Variants in RNASE9 observed in about 807,000 individuals in gnomAD.
The protein encoded by RNASE9 is inactive ribonuclease-like protein 9.
For synonymous variants in RNASE9, 95 were observed against 87.6 expected (o/e 1.08, Z -0.47); for missense variants, 263 against 247.1 (o/e 1.06, Z -0.43).
chr14:20,557,341 T>G, exon 3 of RNASE9: 1 of 392,134 alleles, frequency 2.6e-6, no homozygotes, highest in South Asian at 7.4e-5. Flanking sequence ...GAAATAAAGG[T>G]AAGGAGGAAG....
At chr14:20,558,819 TTCTTCTCAAAATCCTTTC>T in intron 2 of RNASE9, among the ~76,000 whole-genome samples, 1 of 152,232 alleles carries the variant, frequency 6.6e-6, no homozygotes, top group Non-Finnish European at 1.5e-5. Flanking sequence ...TTTGGTTTCA[TTCTTCTCAAAATCCTTTC>T]TCATCTCAAA....
chr14:20,557,529 G>A (rs1281938354), exon 3 of RNASE9: 1 of 155,830 alleles, frequency 6.4e-6, no homozygotes, highest in East Asian at 1.9e-4. Context: ...GCTCTGAAAA[G>A]AGCCACCCTC....
At chr14:20,558,203 G>A in exon 3 of RNASE9, 1 of 408,434 alleles carries the variant, frequency 2.4e-6, no homozygotes, top group Non-Finnish European at 4.5e-6. Flanking sequence ...TGTAAAAGAA[G>A]TCCTACTTGG....
Position 20,556,445 on chromosome 14 carries a change from C to T in RNASE9, c.*7G>A, listed in dbSNP as rs77338547. 99 of 1,581,160 alleles carry T rather than the reference C, an allele frequency of 6.3e-5. 1 individual carries two copies. The African/African-American group carries it at 1.2e-3, about 19-fold the overall frequency. ...CCTCCCACCCTAAGCTCTCAGAGAACGCTCTGCTAGGGCGATATGACAAAG... is the reference window on the plus strand; with the variant it reads ...CCTCCCACCCTAAGCTCTCAGAGAATGCTCTGCTAGGGCGATATGACAAAG... On this transcript the variant is annotated 3_prime_UTR_variant, in exon 3 of 3. Coordinates refer to ENST00000555230, the Ensembl canonical transcript of RNASE9.
In RNASE9 at chr14:20,560,870, T is replaced by C. The variant is rs1251937998; in HGVS notation, c.-1634+4A>G. 6.6e-6 allele frequency: 1 copy of C among 152,120 alleles called. No homozygotes were observed. Among genetic ancestry groups the C allele is most frequent in the Non-Finnish European group, 1.5e-5 (1 of 68,002 alleles). 9.4% of individuals were successfully genotyped at this position (152,120 alleles called of 1,614,324 possible). A position where few individuals can be genotyped will look rare whatever the true frequency, so the allele number is the denominator to read the frequency against. On this transcript the variant is annotated splice_donor_region_variant and intron_variant, in intron 1 of 2. Coordinates refer to ENST00000555230, the Ensembl canonical transcript of RNASE9. ...GACAGTGAGAAAAATTCCAAACAAA[T>C]TACCTTAAATGCAAGAGGCACTATG...
exon 1 of RNASE9, chr14:20,560,913 G>A (rs965748105): frequency 5.9e-5 from 9 of 152,108 alleles, no homozygotes; most frequent in African/African-American, 1.9e-4. Flanking sequence ...ACAGAAGTTG[G>A]AAGTCCAAGA....
chr14:20,556,747 T>C, exon 3 of RNASE9: 1 of 1,614,048 alleles, frequency 6.2e-7, no homozygotes, highest in Non-Finnish European at 8.5e-7. Flanking sequence ...CTCGTCATAT[T>C]GCATAAGAAG....
In RNASE9 at chr14:20,559,201, C is replaced by T. The variant is rs186668071; in HGVS notation, c.-1582+381G>A. On this transcript the variant is annotated intron_variant, in intron 2 of 2. Transcript: ENST00000555230. ...CTCCGGGGTTCAAGGAATCCTCCCA[C>T]GGCCTATCAAGTAGCTGGGCCTACA... 1.9e-3 allele frequency among the ~76,000 whole-genome samples: 295 copies of T among 152,098 alleles called. 2 individuals carry two copies. The highest frequency in any genetic ancestry group is 6.8e-3 in the Middle Eastern group (2 of 294).
chr14:20,559,889 C>T (rs189854412), intron 1 of RNASE9, among the ~76,000 whole-genome samples: 76 of 152,294 alleles, frequency 5.0e-4, no homozygotes, highest in African/African-American at 1.8e-3. Context: ...GTTCAAGTCC[C>T]TGCTTTTCTT....
rs982700239 is a variant in RNASE9 at position 20,558,359 on chromosome 14, G to A, written c.-1290C>T. ...TTAGAGAATGATGGAATTAAAGAAA[G>A]GTGGGTGTTGGGGAACACATCAGAA... On this transcript the variant is annotated 5_prime_UTR_variant, in exon 3 of 3. Coordinates refer to ENST00000555230, the Ensembl canonical transcript of RNASE9. The A allele has an allele frequency of 1.4e-5, 9 of 654,102 alleles. No individual in the cohort carries two copies. In the South Asian group the frequency reaches 1.4e-4, roughly 10 times the overall value. 40.5% of individuals were successfully genotyped at this position (654,102 alleles called of 1,614,324 possible).
intron 2 of RNASE9, among the ~76,000 whole-genome samples, chr14:20,559,178 C>T (rs571786768): frequency 4.0e-5 from 6 of 151,804 alleles, no homozygotes; most frequent in Non-Finnish European, 8.8e-5. Context: ...ACTCAGAACT[C>T]CGGGGTTCAA....
At chr14:20,556,530 A>G (rs1244573481) in exon 3 of RNASE9, 2 of 1,613,860 alleles carry the variant, frequency 1.2e-6, no homozygotes, top group Non-Finnish European at 1.7e-6. Context: ...CATTTATAGT[A>G]TGAGGAATAC....
rs762706070 is a variant in RNASE9 at position 20,558,628 on chromosome 14, C to T, written c.-1559G>A. On this transcript the variant is annotated 5_prime_UTR_variant, in exon 3 of 3. Transcript: ENST00000555230. Reference sequence around the variant, plus strand: ...CTCGGAACATACTCTCACAAGAACGCGGAGCCTCTGCAACATCTTGATCTG... The same window carrying T: ...CTCGGAACATACTCTCACAAGAACGTGGAGCCTCTGCAACATCTTGATCTG... 2.0e-5 allele frequency: 31 copies of T among 1,541,150 alleles called. No homozygotes were observed. In the Admixed American group the frequency reaches 2.7e-4, roughly 14 times the overall value.
exon 3 of RNASE9, chr14:20,557,176 G>C: frequency 8.1e-7 from 1 of 1,233,780 alleles, no homozygotes; most frequent in Non-Finnish European, 1.1e-6. Flanking sequence ...TGCTGTTCTG[G>C]GCTCTAAGAT....
At chr14:20,559,505 G>A (rs566615405) in intron 2 of RNASE9, 77 bp downstream of exon 2, 15 of 152,094 alleles carry the variant, frequency 9.9e-5, no homozygotes, top group Non-Finnish European at 1.3e-4. Flanking sequence ...AGAATAAATA[G>A]TGTTGAAACA....
At chr14:20,557,841 A>G (rs1883769141) in exon 3 of RNASE9, 1 of 152,916 alleles carries the variant, frequency 6.5e-6, no homozygotes, top group African/African-American at 2.4e-5. Flanking sequence ...TATTATAACA[A>G]TGAAAGTTGC....
At chr14:20,558,684 G>T in intron 2 of RNASE9, 1 of 1,162,550 alleles carries the variant, frequency 8.6e-7, no homozygotes, top group Non-Finnish European at 1.3e-6. Context: ...CGTGTGAAAA[G>T]CAGAATTCAG....
Position 20,559,649 on chromosome 14 carries a change from G to T in RNASE9, c.-1633-16C>A, listed in dbSNP as rs1883873744. The T allele has an allele frequency of 6.6e-6, 1 of 152,288 alleles. No homozygotes were observed. Among genetic ancestry groups the T allele is most frequent in the Non-Finnish European group, 1.5e-5 (1 of 68,022 alleles). 9.4% of individuals were successfully genotyped at this position (152,288 alleles called of 1,614,324 possible). On this transcript the variant is annotated splice_polypyrimidine_tract_variant and intron_variant, in intron 1 of 2. Transcript: ENST00000555230. ...ATTGAAATTTCTGTGGATGAATCCA[G>T]AAATTTGCATTTTAAACAAATTTAA...
exon 3 of RNASE9, chr14:20,556,460 A>G (rs1243647): frequency 0.78 from 1,251,581 of 1,600,838 alleles, 490,843 homozygotes; most frequent in African/African-American, 0.8. Flanking sequence ...TGCTAGGGCG[A>G]TATGACAAAG....
Sources: allele counts gnomAD v4.1 joint callset (sites outside exome capture counted in the v4.1 genomes callset), GRCh38; gene constraint gnomAD v4.1.1; transcripts MANE v1.5; gene names NCBI Gene and HGNC (gene_info 2026-07-23, HGNC 2026-07-21).